Variants in LARP7 observed in about 807,000 individuals in gnomAD.
LARP7 encodes the protein la-related protein 7.
A neutral mutation model predicts 69.3 loss-of-function variants in LARP7; 52 were observed. The observed-to-expected ratio is 0.75, with a 90% CI of 0.60 to 0.95. The LOEUF is 0.95. Among genes scored for constraint, LARP7 ranks in the 40% least tolerant of loss-of-function variants. The pLI is 0.00. For synonymous variants in LARP7, 254 were observed against 215.9 expected (o/e 1.18, Z -1.55); for missense variants, 733 against 673.0 (o/e 1.09, Z -0.99).
intron 1 of LARP7, among the ~76,000 whole-genome samples, chr4:112,643,798 G>C (rs1215827400): frequency 6.6e-6 from 1 of 152,006 alleles, no homozygotes; most frequent in African/African-American, 2.4e-5. Flanking sequence ...CTTGCAGTAA[G>C]CTGAGATCAT....
At chr4:112,656,133 G>A (rs1037441108) in intron 12 of LARP7, among the ~76,000 whole-genome samples, 7 of 152,152 alleles carry the variant, frequency 4.6e-5, no homozygotes, top group Admixed American at 1.3e-4. Context: ...GGCCAGGCAC[G>A]GTGGCTCATG....
At chr4:112,645,475 C>A in intron 2 of LARP7, 1 of 456,036 alleles carries the variant, frequency 2.2e-6, no homozygotes, top group Non-Finnish European at 4.4e-6. Flanking sequence ...TTAGTTCATA[C>A]AAGAAGGCAT....
At chr4:112,639,951 G>A (rs779342750) in intron 1 of LARP7, among the ~76,000 whole-genome samples, 3 of 151,856 alleles carry the variant, frequency 2.0e-5, no homozygotes, top group Non-Finnish European at 2.9e-5. Context: ...GTGTTTGTTC[G>A]TTTTTGAGAT....
chr4:112,638,983 T>C (rs2047842432), intron 1 of LARP7, among the ~76,000 whole-genome samples: 1 of 152,170 alleles, frequency 6.6e-6, no homozygotes, highest in Non-Finnish European at 1.5e-5. Context: ...TGGTGATAAA[T>C]TGCGGGAAAT....
chr4:112,646,454 A>G lies in LARP7; in HGVS notation c.303+3A>G, dbSNP rs1378100884. ...TGAGAAGTTCAGCTGTTGTAGAGGTAAGAATCAAGAATAACTACTGTTTAT... is the reference window on the plus strand; with the variant it reads ...TGAGAAGTTCAGCTGTTGTAGAGGTGAGAATCAAGAATAACTACTGTTTAT... On this transcript the variant is annotated splice_donor_region_variant and intron_variant, in intron 3 of 12. Transcript: ENST00000344442. 3 of 1,514,372 alleles carry G rather than the reference A, an allele frequency of 2.0e-6. No homozygotes were observed. The highest frequency in any genetic ancestry group is 9.1e-7 in the Non-Finnish European group (1 of 1,096,708). The allele number at this position is 1,514,372 out of a possible 1,614,324, so 93.8% of individuals were successfully genotyped here.
Position 112,650,589 on chromosome 4 carries a change from A to G in LARP7, c.1416+7A>G. 1 of 1,611,542 alleles carries G rather than the reference A, an allele frequency of 6.2e-7. No homozygotes were observed. The highest frequency in any genetic ancestry group is 1.3e-5 in the African/African-American group (1 of 74,960). On this transcript the variant is annotated splice_region_variant and intron_variant, in intron 10 of 12. Coordinates refer to ENST00000344442, the MANE Select transcript of LARP7 (RefSeq NM_016648.4). ...TGGCAGGAAACAAGTCCGGGTAATG[A>G]TTTTGAGCCCCTAGGGTATTTGTTC...
chr4:112,647,384 A>G lies in LARP7; in HGVS notation c.832A>G (p.Lys278Glu). Residue 278 changes from lysine to glutamate, a missense_variant, in exon 7 of 13, where the codon AAA becomes GAA. Coordinates refer to ENST00000344442, the MANE Select transcript of LARP7 (RefSeq NM_016648.4). ...AAAGCAGTGCTCAAAGAAAAAGAAAAAACGGGACAGAGTTGAAGCATCTAG... is the reference window on the plus strand; with the variant it reads ...AAAGCAGTGCTCAAAGAAAAAGAAAGAACGGGACAGAGTTGAAGCATCTAG... The part of the protein sequence containing the change: ...PQKQCSKKKK[K>E]RDRVEASSLP... 6.2e-7 allele frequency: 1 copy of G among 1,614,102 alleles called. No homozygotes were observed. Among genetic ancestry groups the G allele is most frequent in the Non-Finnish European group, 8.5e-7 (1 of 1,180,008 alleles).
At chr4:112,641,273 C>T (rs1045406799) in intron 1 of LARP7, among the ~76,000 whole-genome samples, 17 of 151,934 alleles carry the variant, frequency 1.1e-4, no homozygotes, top group African/African-American at 3.6e-4. Context: ...GCCTATAGTC[C>T]CAGCTACTTG....
At position 112,647,254 on chromosome 4, in the gene LARP7, C is replaced by CA; in HGVS notation, c.702_703insA (p.Gln235ThrfsTer16). The CA allele has an allele frequency of 6.2e-7, 1 of 1,610,394 alleles. No homozygotes were observed. The highest frequency in any genetic ancestry group is 8.5e-7 in the Non-Finnish European group (1 of 1,179,078). ...GCCGAATGAAAAAGGAAGACAATAT[C>CA]CAAGCCAAAGAAGAAAACATGGACA... is the stretch of plus-strand genomic sequence containing the variant. On this transcript the variant is annotated frameshift_variant, in exon 7 of 13. Coordinates refer to ENST00000344442, the MANE Select transcript of LARP7 (RefSeq NM_016648.4). LOFTEE classifies it high-confidence loss of function.
chr4:112,645,507 T>C (rs2048151762), intron 2 of LARP7: 1 of 452,878 alleles, frequency 2.2e-6, no homozygotes, highest in Middle Eastern at 3.3e-4. Context: ...CAATGTTATT[T>C]TTTGTTTCAT....
chr4:112,644,291 G>C, intron 1 of LARP7: 1 of 270,838 alleles, frequency 3.7e-6, no homozygotes, highest in East Asian at 5.9e-5. Context: ...GGGCGGGGGC[G>C]GGGGGGTGTT....
chr4:112,639,441 A>G (rs1335118956), intron 1 of LARP7, among the ~76,000 whole-genome samples: 2 of 152,000 alleles, frequency 1.3e-5, no homozygotes, highest in Non-Finnish European at 2.9e-5. Flanking sequence ...CTTGTTAGCC[A>G]GGATGGTCTC....
At chr4:112,641,792 T>G (rs2047975159) in intron 1 of LARP7, among the ~76,000 whole-genome samples, 1 of 152,186 alleles carries the variant, frequency 6.6e-6, no homozygotes, top group South Asian at 2.1e-4. Flanking sequence ...ATTTTCACCA[T>G]GTTAATTTTG....
intron 1 of LARP7, among the ~76,000 whole-genome samples, chr4:112,638,289 G>GC (rs977792619): frequency 6.6e-6 from 1 of 151,796 alleles, no homozygotes; most frequent in African/African-American, 2.4e-5. Flanking sequence ...GAGAGAGGCT[G>GC]CGTCTCCAAA....
At chr4:112,652,140 CTT>C (rs569041992) in intron 10 of LARP7, among the ~76,000 whole-genome samples, 182 of 151,928 alleles carry the variant, frequency 1.2e-3, no homozygotes, top group African/African-American at 3.9e-3. Context: ...AACTGATAAA[CTT>C]TTCTTATTCT....
At position 112,639,522 on chromosome 4, in the gene LARP7, G is replaced by A. The variant is rs922590388; in HGVS notation, c.-3+2283G>A. On this transcript the variant is annotated intron_variant, in intron 1 of 12. Coordinates refer to ENST00000344442, the MANE Select transcript of LARP7 (RefSeq NM_016648.4). ...TGGGATTACAAGCGTGAGCCACCGC[G>A]CCTGGCCAAGTGTTACTTTTTTTTT... Among the ~76,000 whole-genome samples the A allele has an allele frequency of 4.0e-5, 6 of 151,832 alleles. 1 individual carries two copies. The highest frequency in any genetic ancestry group is 1.2e-4 in the African/African-American group (5 of 41,432).
intron 2 of LARP7, chr4:112,645,727 G>T: frequency 2.5e-6 from 1 of 404,270 alleles, no homozygotes; most frequent in South Asian, 1.8e-5. Context: ...CCACCATGTT[G>T]CCCAGGCTGG....
chr4:112,637,598 G>C (rs572649281), intron 1 of LARP7: 1 of 152,366 alleles, frequency 6.6e-6, no homozygotes, highest in Non-Finnish European at 1.5e-5. Flanking sequence ...CCAGAAGATA[G>C]CGAACGTGAG....
At chr4:112,652,325 A>C (rs1437587669) in intron 10 of LARP7, among the ~76,000 whole-genome samples, 1 of 125,176 alleles carries the variant, frequency 8.0e-6, no homozygotes, top group Non-Finnish European at 1.6e-5. Flanking sequence ...ATCTCCAGTT[A>C]CTTCTTTAGC....
Sources: allele counts gnomAD v4.1 joint callset (sites outside exome capture counted in the v4.1 genomes callset), GRCh38; gene constraint gnomAD v4.1.1; transcripts MANE v1.5; gene names NCBI Gene and HGNC (gene_info 2026-07-23, HGNC 2026-07-21).